Variants in PRKAB1 observed in about 807,000 individuals in gnomAD.
PRKAB1 encodes protein kinase AMP-activated non-catalytic subunit beta 1, also known as 5'-AMP-activated protein kinase subunit beta-1.
PRKAB1 carries 18 observed loss-of-function variants against 32.0 expected under a neutral mutation model. The ratio of observed to expected loss-of-function variants is 0.56; its 90% CI spans 0.39 to 0.83. The LOEUF (loss-of-function observed/expected upper bound fraction) is 0.83. Ranked by LOEUF, PRKAB1 falls within the 40% of genes least tolerant of loss-of-function variation. The probability of loss-of-function intolerance (pLI) is 0.00; values close to 1 mark genes in which losing one functional copy is unlikely to be tolerated. For missense variants in PRKAB1, 263 were observed against 352.6 expected (o/e 0.75, Z 2.03); for synonymous variants, 141 against 141.4 (o/e 1.00, Z 0.02).
chr12:119,678,639 C>T (rs1354713354), intron 5 of PRKAB1: 4 of 152,236 alleles, frequency 2.6e-5, no homozygotes, highest in Admixed American at 1.3e-4. Context: ...CTGTGCCTGG[C>T]TCATTTCACT....
intron 5 of PRKAB1, among the ~76,000 whole-genome samples, chr12:119,677,105 A>G (rs1261320279): frequency 6.6e-6 from 1 of 152,350 alleles, no homozygotes; most frequent in South Asian, 2.1e-4. Flanking sequence ...AAATTATTAC[A>G]TGCAGAAAAG....
chr12:119,672,355 A>G lies in PRKAB1; in HGVS notation c.214A>G (p.Lys72Glu). The change falls in exon 2 of 7, where the codon AAA (lysine) becomes GAA (glutamate). Residue 72 changes from lysine (K) to glutamate (E), a missense_variant. Physicochemically the swap from Lys to Glu is moderately conservative, Grantham distance 56 (BLOSUM62 1). Transcript: ENST00000229328. ...GCAGCATGATCTGGAAGTGAATGAT[A>G]AAGCTCCCGCCCAGGCTCGGCCAAC... The part of the protein sequence containing the change: ...AWQHDLEVND[K>E]APAQARPTVF... 1.2e-6 allele frequency: 2 copies of G among 1,613,120 alleles called. No individual in the cohort carries two copies. Among genetic ancestry groups the G allele is most frequent in the Non-Finnish European group, 1.7e-6 (2 of 1,179,626 alleles).
At chr12:119,673,853 A>G in intron 2 of PRKAB1, 111 bp from the exon 3 acceptor site, 2 of 812,930 alleles carry the variant, frequency 2.5e-6, no homozygotes, top group South Asian at 3.4e-5. Flanking sequence ...GTTCTCCTGC[A>G]GCTGAACTCT....
At chr12:119,671,616 C>G (rs1467705724) in intron 1 of PRKAB1, 3 of 288,620 alleles carry the variant, frequency 1.0e-5, no homozygotes, top group Non-Finnish European at 2.2e-5. Context: ...TGATCGATAC[C>G]TCCACCTGGT....
chr12:119,680,428 C>T lies in PRKAB1; in HGVS notation c.*103C>T. ...TGGACTGTACATTGCTCATTTCACA[C>T]TCTTCAGAAGACATTTCATACCTGC... On this transcript the variant is annotated 3_prime_UTR_variant, in exon 7 of 7. Coordinates refer to ENST00000229328, the MANE Select transcript of PRKAB1 (RefSeq NM_006253.5). The T allele has an allele frequency of 8.3e-7, 1 of 1,206,454 alleles. No individual in the cohort carries two copies. The highest frequency in any genetic ancestry group is 1.3e-5 in the South Asian group (1 of 76,054). 74.7% of individuals were successfully genotyped at this position (1,206,454 alleles called of 1,614,324 possible). A position where few individuals can be genotyped will look rare whatever the true frequency, so the allele number is the denominator to read the frequency against.
chr12:119,680,171 G>A (rs1955453472), intron 6 of PRKAB1, 77 bp from the exon 7 acceptor site: 1 of 1,519,230 alleles, frequency 6.6e-7, no homozygotes, highest in Admixed American at 1.8e-5. Flanking sequence ...GTTTTATGAA[G>A]CCCTTAATGA....
intron 4 of PRKAB1, among the ~76,000 whole-genome samples, chr12:119,676,182 T>C (rs1955422645): frequency 6.6e-6 from 1 of 152,206 alleles, no homozygotes; most frequent in Non-Finnish European, 1.5e-5. Flanking sequence ...TCCAGCTTCT[T>C]TGTGGTTTTG....
intron 1 of PRKAB1, among the ~76,000 whole-genome samples, 172 bp downstream of exon 1, chr12:119,668,575 A>C (rs138832541): frequency 5.3e-5 from 8 of 152,346 alleles, no homozygotes; most frequent in African/African-American, 1.9e-4. Context: ...TTAGCGGTCC[A>C]AGAACCTGTG....
intron 1 of PRKAB1, 107 bp from the exon 2 acceptor site, chr12:119,672,194 A>T (rs547177428): frequency 8.3e-7 from 1 of 1,210,670 alleles, no homozygotes; most frequent in African/African-American, 1.5e-5. Context: ...TTCCGATCCT[A>T]ACCATGAACC....
chr12:119,675,397 G>C (rs184184016), intron 4 of PRKAB1, among the ~76,000 whole-genome samples: 1 of 152,314 alleles, frequency 6.6e-6, no homozygotes, highest in Non-Finnish European at 1.5e-5. Flanking sequence ...TTGGAAATCC[G>C]AAATCTGTGC....
chr12:119,673,741 G>A, intron 2 of PRKAB1: 2 of 425,528 alleles, frequency 4.7e-6, no homozygotes, highest in Non-Finnish European at 8.3e-6. Flanking sequence ...TGGTATTTGA[G>A]TAAGGTGAGT....
At position 119,674,490 on chromosome 12, in the gene PRKAB1, G is replaced by T; in HGVS notation, c.532+36G>T. On this transcript the variant is annotated intron_variant, in intron 4 of 6. Coordinates refer to ENST00000229328, the MANE Select transcript of PRKAB1 (RefSeq NM_006253.5). The surrounding 1 kb of genome is among the most constrained non-coding windows in gnomAD (Gnocchi z 4.3). The stretch of plus-strand genomic sequence containing the variant: ...AGTTATTTTATACCACATGCGTGCA[G>T]GTGGGGGCTGTACAGTCTAGACATA... 9.0e-6 allele frequency: 13 copies of T among 1,441,178 alleles called. No homozygotes were observed. Among genetic ancestry groups the T allele is most frequent in the Non-Finnish European group, 1.3e-5 (13 of 1,024,906 alleles). 89.3% of individuals were successfully genotyped at this position (1,441,178 alleles called of 1,614,324 possible). A position where few individuals can be genotyped will look rare whatever the true frequency, so the allele number is the denominator to read the frequency against.
At chr12:119,668,627 G>A (rs1425041192) in intron 1 of PRKAB1, among the ~76,000 whole-genome samples, 1 of 152,212 alleles carries the variant, frequency 6.6e-6, no homozygotes, top group Non-Finnish European at 1.5e-5. Flanking sequence ...GGGAGGAGGT[G>A]CTCACTTGGT....
intron 5 of PRKAB1, 95 bp downstream of exon 5, chr12:119,676,765 A>G: frequency 1.4e-6 from 2 of 1,458,874 alleles, no homozygotes; most frequent in Admixed American, 3.8e-5. Flanking sequence ...GCTGGTGAGC[A>G]AGCTCAGTGT....
intron 1 of PRKAB1, chr12:119,669,881 T>A (rs1955374026): frequency 1.3e-5 from 2 of 152,296 alleles, no homozygotes; most frequent in South Asian, 2.1e-4. Context: ...GGCCTCACCC[T>A]GCTTTTTTTT....
At position 119,674,961 on chromosome 12, in the gene PRKAB1, A is replaced by G. The variant is rs921667771; in HGVS notation, c.532+507A>G. 1.4e-4 allele frequency among the ~76,000 whole-genome samples: 21 copies of G among 152,130 alleles called. No individual in the cohort carries two copies. Among genetic ancestry groups the G allele is most frequent in the African/African-American group, 5.1e-4 (21 of 41,432 alleles). On this transcript the variant is annotated intron_variant, in intron 4 of 6. Transcript: ENST00000229328. The surrounding 1 kb of genome is among the most constrained non-coding windows in gnomAD (Gnocchi z 4.3). The stretch of plus-strand genomic sequence containing the variant: ...CACGGGAAACAGCCTGCACAGCCCA[A>G]CTCTCCTTGATGGGAAGCTATTTGG...
intron 4 of PRKAB1, among the ~76,000 whole-genome samples, chr12:119,676,080 G>A (rs143384706): frequency 3.9e-5 from 6 of 152,118 alleles, no homozygotes; most frequent in South Asian, 2.1e-4. Context: ...TTTTCTCCAC[G>A]GCCTCTGTGT....
chr12:119,669,457 C>G (rs772620713), intron 1 of PRKAB1: 1 of 147,450 alleles, frequency 6.8e-6, no homozygotes, highest in East Asian at 2.1e-4. Context: ...TTAGTAGAGA[C>G]GGGGTTTCAC....
upstream of PRKAB1, chr12:119,668,124 T>A: frequency 8.1e-7 from 1 of 1,233,596 alleles, no homozygotes; most frequent in Non-Finnish European, 1.1e-6. Context: ...CGTGGTGTCC[T>A]GGTGCTCCGA....
Sources: gnomAD v4.1 joint callset for allele counts (sites outside exome capture counted in the v4.1 genomes callset) on GRCh38, gnomAD v4.1.1 for gene constraint, Gnocchi (gnomAD v3.1) non-coding constraint, MANE v1.5 for transcripts, NCBI Gene and HGNC (gene_info 2026-07-23, HGNC 2026-07-21) for gene names.